The following ATP4A variants were observed in gnomAD, a reference collection of about 807,000 sequenced individuals.
ATP4A encodes potassium-transporting ATPase alpha chain 1.
ATP4A carries 73 observed loss-of-function variants against 112.1 expected under a neutral mutation model. The observed-to-expected ratio is 0.65, with a 90% CI of 0.54 to 0.79. ATP4A has a LOEUF of 0.79. ATP4A is among the 30% of genes least tolerant of loss of function. The pLI is 0.00. For synonymous variants in ATP4A, 588 were observed against 588.9 expected, an observed-to-expected ratio of 1.00 and a Z score of 0.02; for missense variants, 1,081 against 1,425.9, an observed-to-expected ratio of 0.76 and a Z score of 3.90.
intron 4 of ATP4A, among the ~76,000 whole-genome samples, chr19:35,562,195 T>C (rs972289897): frequency 6.6e-6 from 1 of 152,142 alleles, no homozygotes; most frequent in Non-Finnish European, 1.5e-5. Context: ...GCCATACTCT[T>C]TATGCCCCCA....
chr19:35,554,818 C>T, intron 16 of ATP4A, 104 bp downstream of exon 16: 2 of 1,500,840 alleles, frequency 1.3e-6, no homozygotes, highest in South Asian at 2.4e-5. Context: ...TTGTCTGTCA[C>T]TCTGTGCCCA....
Position 35,553,105 on chromosome 19 carries a change from C to T in ATP4A, c.2683G>A (p.Val895Met), listed in dbSNP as rs137947088. ...AQEGWFPLLCVGLRAQWEDHH... is the reference protein window; with the variant it reads ...AQEGWFPLLCMGLRAQWEDHH... ...TCCTCCCACTGCGCCCGCAGCCCCA[C>T]GCACAGCAGTGGGAACCAGCCCTCC... is the stretch of plus-strand genomic sequence containing the variant. The change falls in exon 18 of 22, where the codon GTG (valine) becomes ATG (methionine). Residue 895 changes from valine to methionine, a missense_variant. Around this residue, in one of 3 missense-constraint regions of ATP4A, gnomAD observed 219 missense variants for 320.9 expected, o/e 0.68. Transcript: ENST00000262623. 8.7e-5 allele frequency: 140 copies of T among 1,611,732 alleles called. No individual in the cohort carries two copies. The highest frequency in any genetic ancestry group is 6.7e-4 in the South Asian group (61 of 90,970).
rs759926811 is a variant in ATP4A at position 35,562,591 on chromosome 19, G to A, written c.264C>T (p.Pro88=). The A allele has an allele frequency of 8.7e-6, 14 of 1,610,634 alleles. No individual in the cohort carries two copies. In the Admixed American group the frequency reaches 2.4e-4, roughly 27 times the overall value. Reference sequence around the variant, plus strand: ...TGCCCCGTGGTGGCCGCAGTGCGTTGGGCCCATCCCGCAGCAGCAGCTCAG... The same window carrying A: ...TGCCCCGTGGTGGCCGCAGTGCGTTAGGCCCATCCCGCAGCAGCAGCTCAG... The part of the protein sequence containing the change: ...LAAELLLRDG[P]NALRPPRGTP... The change falls in exon 4 of 22, where the codon CCC becomes CCT. Residue 88 remains proline, a synonymous_variant. Coordinates refer to ENST00000262623, the MANE Select transcript of ATP4A (RefSeq NM_000704.3).
rs541563848 is a variant in ATP4A, at chr19:35,557,858, G to A, written c.1501-11C>T. On this transcript the variant is annotated splice_polypyrimidine_tract_variant and intron_variant, in intron 10 of 21. Transcript: ENST00000262623. The surrounding 1 kb of genome is among the most constrained non-coding windows in gnomAD (Gnocchi z 4.4). Reference sequence around the variant, plus strand: ...CGTATGGATGGACAGCTGTGGGCGGGGGGGAGAGGCGAGGCTGTGGACGGG... The same window carrying A: ...CGTATGGATGGACAGCTGTGGGCGGAGGGGAGAGGCGAGGCTGTGGACGGG... 1.2e-4 allele frequency: 180 copies of A among 1,477,908 alleles called. 1 individual carries two copies. In the Middle Eastern group the frequency reaches 2.4e-3, roughly 20 times the overall value. The allele number at this position is 1,477,908 out of a possible 1,614,324, so 91.5% of individuals were successfully genotyped here. A position where few individuals can be genotyped will look rare whatever the true frequency, so the allele number is the denominator to read the frequency against.
Position 35,555,343 on chromosome 19 carries a change from AGTGGGTGCAGGTGGTGG to A in ATP4A, c.2158-26_2158-10del. 6.2e-7 allele frequency: 1 copy of A among 1,611,104 alleles called. No individual in the cohort carries two copies. The highest frequency in any genetic ancestry group is 1.1e-5 in the South Asian group (1 of 90,672). On this transcript the variant is annotated splice_polypyrimidine_tract_variant and intron_variant, in intron 14 of 21. Coordinates refer to ENST00000262623, the MANE Select transcript of ATP4A (RefSeq NM_000704.3). This position sits in a 1 kb window ranked among gnomAD's most constrained non-coding sequence, Gnocchi z 6.6. ...ACGGCCACAATCGCACCCTGCAGGC[AGTGGGTGCAGGTGGTGG>A]GTGGGTGGTCAGTGAGAGGCCGGTC...
At position 35,550,560 on chromosome 19, in the gene ATP4A, G is replaced by A; in HGVS notation, c.*55C>T. 1.2e-6 allele frequency: 2 copies of A among 1,606,112 alleles called. No homozygotes were observed. The highest frequency in any genetic ancestry group is 1.7e-4 in the Middle Eastern group (1 of 6,034). ...GGTGGCTGTCCAGAGGGTCCCACGA[G>A]CCCTGCCCCCACCTGCTGTGGCAGT... On this transcript the variant is annotated 3_prime_UTR_variant, in exon 22 of 22. Transcript: ENST00000262623. The surrounding 1 kb of genome is among the most constrained non-coding windows in gnomAD (Gnocchi z 4.1).
At chr19:35,562,325 G>T (rs190127527) in intron 4 of ATP4A, 110 bp downstream of exon 4, 5 of 1,299,428 alleles carry the variant, frequency 3.8e-6, no homozygotes, top group East Asian at 5.0e-5. Flanking sequence ...ACTGCCTTTC[G>T]TGTTCGTCTA....
chr19:35,561,931 C>T (rs2071673411), intron 4 of ATP4A, among the ~76,000 whole-genome samples: 2 of 148,036 alleles, frequency 1.4e-5, no homozygotes, highest in Non-Finnish European at 3.0e-5. Context: ...TCTTGGCTCA[C>T]TGCAACATCC....
At chr19:35,562,395 G>T in intron 4 of ATP4A, 40 bp downstream of exon 4, 1 of 1,592,280 alleles carries the variant, frequency 6.3e-7, no homozygotes, top group Admixed American at 1.7e-5. Context: ...TCCATCCCCA[G>T]GTCCCCATGT....
In ATP4A at chr19:35,558,218, A is replaced by G. The variant is rs892244600; in HGVS notation, c.1500+144T>C. The G allele has an allele frequency of 9.8e-6, 11 of 1,118,124 alleles. No individual in the cohort carries two copies. The highest frequency in any genetic ancestry group is 1.6e-5 in the African/African-American group (1 of 62,396). The allele number at this position is 1,118,124 out of a possible 1,614,324, so 69.3% of individuals were successfully genotyped here. On this transcript the variant is annotated intron_variant, in intron 10 of 21. Coordinates refer to ENST00000262623, the MANE Select transcript of ATP4A (RefSeq NM_000704.3). This position sits in a 1 kb window ranked among gnomAD's most constrained non-coding sequence, Gnocchi z 5.1. ...CCTTGCCTCTGGTGGACGGGGCCAT[A>G]GGCGGAGCGGGAGATGGGGTGGGGT...
chr19:35,552,777 G>A (rs975177953), intron 18 of ATP4A, among the ~76,000 whole-genome samples: 5 of 152,108 alleles, frequency 3.3e-5, no homozygotes, highest in Non-Finnish European at 7.3e-5. Context: ...AGCAGAATAG[G>A]GGCCTGGTTC....
Position 35,558,593 on chromosome 19 carries a change from G to A in ATP4A, c.1349C>T (p.Ala450Val), listed in dbSNP as rs1302413714. ...GGCTCTCACCTTGGGCACAGGCACT[G>A]CATCCTGGCCGGACTTGAAGGCGGC... is the stretch of plus-strand genomic sequence containing the variant. ...NRAAFKSGQD[A>V]VPVPKRIVIG... The change falls in exon 9 of 22, where the codon GCA becomes GTA. Residue 450 changes from alanine (A) to valine (V), a missense_variant. Ala to Val is a moderately conservative substitution (Grantham distance 64). Around this residue, in one of 3 missense-constraint regions of ATP4A, gnomAD observed 850 missense variants for 1,068.2 expected, o/e 0.80. Coordinates refer to ENST00000262623, the MANE Select transcript of ATP4A (RefSeq NM_000704.3). The surrounding 1 kb of genome is among the most constrained non-coding windows in gnomAD (Gnocchi z 5.1). 1 of 1,603,770 alleles carries A rather than the reference G, an allele frequency of 6.2e-7. No individual in the cohort carries two copies. The highest frequency in any genetic ancestry group is 2.3e-5 in the East Asian group (1 of 44,442).
Position 35,558,449 on chromosome 19 carries a change from C to G in ATP4A, c.1413G>C (p.Ser471=). 6.2e-7 allele frequency: 1 copy of G among 1,604,556 alleles called. No homozygotes were observed. The highest frequency in any genetic ancestry group is 8.5e-7 in the Non-Finnish European group (1 of 1,176,044). The change falls in exon 10 of 22, where the codon TCG becomes TCC. Residue 471 remains serine (S), a synonymous_variant. Transcript: ENST00000262623. This position sits in a 1 kb window ranked among gnomAD's most constrained non-coding sequence, Gnocchi z 5.1. ...DASETALLKF[S]ELTLGNAMGY... ...CCATGGCGTTGCCCAGCGTCAGCTC[C>G]GAGAACTTGAGCAGCGCCGTCTCCG...
rs766975937 is a variant in ATP4A, at chr19:35,563,446, CCTT to C, written c.91_93del (p.Lys31del). The C allele has an allele frequency of 3.7e-6, 6 of 1,613,956 alleles. No individual in the cohort carries two copies. The highest frequency in any genetic ancestry group is 2.2e-5 in the South Asian group (2 of 91,066). On this transcript the variant is annotated inframe_deletion, in exon 2 of 22. Transcript: ENST00000262623. Reference sequence around the variant, plus strand: ...TTCCTCTTGCCACCCCCGCCACCCGCCTTCTTCTTCTTGCTCATCTTGGCAGCC... The same window carrying C: ...TTCCTCTTGCCACCCCCGCCACCCGCCTTCTTCTTGCTCATCTTGGCAGCC...
chr19:35,550,916 C>G lies in ATP4A; in HGVS notation c.2997G>C (p.Trp999Cys). Residue 999 changes from tryptophan (W) to cysteine (C), a missense_variant, in exon 21 of 22, where the codon TGG becomes TGC. Trp to Cys is a radical substitution (Grantham distance 215). Transcript: ENST00000262623. This position sits in a 1 kb window ranked among gnomAD's most constrained non-coding sequence, Gnocchi z 4.1. ...IFNFMPIRFQ[W>C]WLVPLPYGIL... Reference sequence around the variant, plus strand: ...TGCCGTAGGGCAGGGGGACCAGCCACCACTGGAACCTGAAGGCACATGGCA... The same window carrying G: ...TGCCGTAGGGCAGGGGGACCAGCCAGCACTGGAACCTGAAGGCACATGGCA... 6.2e-7 allele frequency: 1 copy of G among 1,614,174 alleles called. No individual in the cohort carries two copies. Among genetic ancestry groups the G allele is most frequent in the Non-Finnish European group, 8.5e-7 (1 of 1,180,008 alleles).
chr19:35,555,735 G>T lies in ATP4A; in HGVS notation c.1947C>A (p.Ser649Arg). 6.2e-7 allele frequency: 1 copy of T among 1,613,448 alleles called. No homozygotes were observed. The highest frequency in any genetic ancestry group is 8.5e-7 in the Non-Finnish European group (1 of 1,179,504). The change falls in exon 13 of 22, where the codon AGC becomes AGA. Residue 649 changes from serine (S) to arginine (R), a missense_variant. Physicochemically the swap from Ser to Arg is moderately radical, Grantham distance 110 (BLOSUM62 -1). Transcript: ENST00000262623. The surrounding 1 kb of genome is among the most constrained non-coding windows in gnomAD (Gnocchi z 6.6). ...GGGCAGCGATGTCCTCCACTGTCTC[G>T]CTGCCTTCCGAGATGATGCCCACAC... ...AASVGIISEG[S>R]ETVEDIAARL...
chr19:35,560,538 C>T lies in ATP4A; in HGVS notation c.612G>A (p.Met204Ile), dbSNP rs201483901. The change falls in exon 6 of 22, where the codon ATG becomes ATA. Residue 204 changes from methionine to isoleucine, a missense_variant. Met to Ile is a conservative substitution (Grantham distance 10, BLOSUM62 1). Coordinates refer to ENST00000262623, the MANE Select transcript of ATP4A (RefSeq NM_000704.3). This position sits in a 1 kb window ranked among gnomAD's most constrained non-coding sequence, Gnocchi z 5.1. ...DQLVVGDLVEMKGGDRVPADI... is the reference protein window; with the variant it reads ...DQLVVGDLVEIKGGDRVPADI... Reference sequence around the variant, plus strand: ...CGGCGGGCACTCTGTCCCCACCTTTCATCTCCACCAGGTCGCCCACCACCA... The same window carrying T: ...CGGCGGGCACTCTGTCCCCACCTTTTATCTCCACCAGGTCGCCCACCACCA... 3.7e-6 allele frequency: 6 copies of T among 1,613,558 alleles called. No individual in the cohort carries two copies. The highest frequency in any genetic ancestry group is 3.3e-5 in the Admixed American group (2 of 60,014).
rs1395364766 is a variant in ATP4A at position 35,559,859 on chromosome 19, G to C, written c.1002C>G (p.Phe334Leu). Reference sequence around the variant, plus strand: ...CATAGGCCACCACGATGGCCATGAAGAAGACCATGGCCCGCAGGAAGGTGT... The same window carrying C: ...CATAGGCCACCACGATGGCCATGAACAAGACCATGGCCCGCAGGAAGGTGT... The part of the protein sequence containing the change: ...IGYTFLRAMV[F>L]FMAIVVAYVP... Residue 334 changes from phenylalanine to leucine, a missense_variant, in exon 7 of 22, where the codon TTC (phenylalanine) becomes TTG (leucine). Coordinates refer to ENST00000262623, the MANE Select transcript of ATP4A (RefSeq NM_000704.3). The surrounding 1 kb of genome is among the most constrained non-coding windows in gnomAD (Gnocchi z 4.1). 1 of 1,614,092 alleles carries C rather than the reference G, an allele frequency of 6.2e-7. No homozygotes were observed. The highest frequency in any genetic ancestry group is 8.5e-7 in the Non-Finnish European group (1 of 1,180,042).
rs2071659330 is a variant in ATP4A, at chr19:35,560,074, C to T, written c.788-1G>A. 6.2e-7 allele frequency: 1 copy of T among 1,613,366 alleles called. No homozygotes were observed. Among genetic ancestry groups the T allele is most frequent in the Middle Eastern group, 1.7e-4 (1 of 6,060 alleles). On this transcript the variant is annotated splice_acceptor_variant, in intron 6 of 21. Transcript: ENST00000262623. LOFTEE classifies it high-confidence loss of function. This position sits in a 1 kb window ranked among gnomAD's most constrained non-coding sequence, Gnocchi z 5.1. ...TTCACCACCAGGCCCTGCACGGTGC[C>T]TGCAGGGGGGCCAAGGCGCGACTCA...
Sources: allele counts gnomAD v4.1 joint callset (sites outside exome capture counted in the v4.1 genomes callset), GRCh38; gene constraint gnomAD v4.1.1; regional missense constraint gnomAD v4.1.1; non-coding constraint Gnocchi (gnomAD v3.1); transcripts MANE v1.5; gene names NCBI Gene and HGNC (gene_info 2026-07-23, HGNC 2026-07-21).